The following GABBR1 variants were observed in gnomAD, a reference collection of about 807,000 sequenced individuals.
GABBR1 encodes gamma-aminobutyric acid type B receptor subunit 1, also known as GABA-B receptor, R1 subunit.
Under a neutral mutation model 117.7 loss-of-function variants are expected in GABBR1, and 35 were observed. That is an observed-to-expected ratio of 0.30 (90% CI 0.23 to 0.39). GABBR1 has a LOEUF of 0.39. Ranked by LOEUF, GABBR1 falls within the 10% of genes least tolerant of loss-of-function variation. The pLI is 1.00. For synonymous variants in GABBR1, 442 were observed against 486.6 expected (o/e 0.91, Z 1.21); for missense variants, 709 against 1,241.8 (o/e 0.57, Z 6.45).
Position 29,622,119 on chromosome 6 carries a change from G to A in GABBR1, c.1050C>T (p.Pro350=), listed in dbSNP as rs762967521. Residue 350 remains proline, a synonymous_variant, in exon 9 of 23, where the codon CCC becomes CCT. Coordinates refer to ENST00000377034, the MANE Select transcript of GABBR1 (RefSeq NM_001470.4). The surrounding 1 kb of genome is among the most constrained non-coding windows in gnomAD (Gnocchi z 4.6). ...RQSFFSDPAV[P]VKNLKRQDAR... ...GCCATCTGACCTTCAGGTTTTTGAC[G>A]GGCACAGCTGGATCTGAGAAGAAAC... 6.8e-6 allele frequency: 11 copies of A among 1,613,724 alleles called. No homozygotes were observed. Among genetic ancestry groups the A allele is most frequent in the East Asian group, 2.2e-5 (1 of 44,890 alleles).
At position 29,627,344 on chromosome 6, in the gene GABBR1, A is replaced by C; in HGVS notation, c.657+142T>G. The C allele has an allele frequency of 1.2e-6, 1 of 823,772 alleles. No individual in the cohort carries two copies. 51.0% of individuals were successfully genotyped at this position (823,772 alleles called of 1,614,324 possible). A position where few individuals can be genotyped will look rare whatever the true frequency, so the allele number is the denominator to read the frequency against. ...ACTCTCCCCAAGCTCCTGCACCCCC[A>C]GCCCATCTCCTGCCAGTCACACAAG... On this transcript the variant is annotated intron_variant, in intron 6 of 22. Coordinates refer to ENST00000377034, the MANE Select transcript of GABBR1 (RefSeq NM_001470.4). This position sits in a 1 kb window ranked among gnomAD's most constrained non-coding sequence, Gnocchi z 4.4.
At position 29,612,540 on chromosome 6, in the gene GABBR1, C is replaced by G. The variant is rs1327536274; in HGVS notation, c.1630+11G>C. 3 of 1,613,378 alleles carry G rather than the reference C, an allele frequency of 1.9e-6. No homozygotes were observed. The highest frequency in any genetic ancestry group is 8.5e-7 in the Non-Finnish European group (1 of 1,179,616). ...CCCCCATGTCCGGTCCCCTCCTGCC[C>G]CTGTACTAACCCTGAAGCTGCTCGA... On this transcript the variant is annotated intron_variant, in intron 13 of 22. Coordinates refer to ENST00000377034, the MANE Select transcript of GABBR1 (RefSeq NM_001470.4).
rs1761913218 is a variant in GABBR1, at chr6:29,605,984, GGCCACACAT to G, written c.2312-297_2312-289del. On this transcript the variant is annotated intron_variant, in intron 19 of 22. Transcript: ENST00000377034. The surrounding 1 kb of genome is among the most constrained non-coding windows in gnomAD (Gnocchi z 4.2). Reference sequence around the variant, plus strand: ...GAATATCTAGAAATAGGCCAGTCTGGGCCACACATGCCTCACCCTTACCCTACAGGTGGG... The same window carrying G: ...GAATATCTAGAAATAGGCCAGTCTGGGCCTCACCCTTACCCTACAGGTGGG... The G allele has an allele frequency of 9.1e-6, 5 of 550,804 alleles. No homozygotes were observed. The highest frequency in any genetic ancestry group is 1.6e-5 in the Non-Finnish European group (5 of 308,412). The allele number at this position is 550,804 out of a possible 1,614,324, so 34.1% of individuals were successfully genotyped here. A position where few individuals can be genotyped will look rare whatever the true frequency, so the allele number is the denominator to read the frequency against.
In GABBR1 at chr6:29,632,510, A is replaced by G. The variant is rs1765107980; in HGVS notation, c.1-125T>C. ...CCGGGCTCAGCCTGGGGACCAAGAG[A>G]GCGCCCCGCGGAGGAGGCGGGGGCG... On this transcript the variant is annotated intron_variant, in intron 1 of 22. Transcript: ENST00000377034. The surrounding 1 kb of genome is among the most constrained non-coding windows in gnomAD (Gnocchi z 5.8). 3.1e-6 allele frequency: 3 copies of G among 979,922 alleles called. No individual in the cohort carries two copies. The South Asian group carries it at 6.0e-5, about 19-fold the overall frequency. The allele number at this position is 979,922 out of a possible 1,614,324, so 60.7% of individuals were successfully genotyped here. A position where few individuals can be genotyped will look rare whatever the true frequency, so the allele number is the denominator to read the frequency against.
intron 22 of GABBR1, 99 bp from the exon 23 acceptor site, chr6:29,603,815 G>T: frequency 1.1e-6 from 1 of 917,754 alleles, no homozygotes; most frequent in Non-Finnish European, 1.5e-6. Flanking sequence ...AGAGAGGAAG[G>T]GCACAGAAAA....
In GABBR1 at chr6:29,604,761, A is replaced by G; in HGVS notation, c.2568+99T>C. On this transcript the variant is annotated intron_variant, in intron 21 of 22. Coordinates refer to ENST00000377034, the MANE Select transcript of GABBR1 (RefSeq NM_001470.4). The surrounding 1 kb of genome is among the most constrained non-coding windows in gnomAD (Gnocchi z 5.3). ...GGCCCAAAACAAGGGGAGGAGTGAG[A>G]GGAGGGTGAACGGAAGGGCAGAGGA... The G allele has an allele frequency of 6.3e-7, 1 of 1,585,064 alleles. No individual in the cohort carries two copies.
In GABBR1 at chr6:29,632,463, C is replaced by A; in HGVS notation, c.1-78G>T. 5.0e-6 allele frequency: 6 copies of A among 1,192,588 alleles called. No individual in the cohort carries two copies. Among genetic ancestry groups the A allele is most frequent in the Non-Finnish European group, 6.6e-6 (6 of 907,234 alleles). The allele number at this position is 1,192,588 out of a possible 1,614,324, so 73.9% of individuals were successfully genotyped here. On this transcript the variant is annotated intron_variant, in intron 1 of 22. Coordinates refer to ENST00000377034, the MANE Select transcript of GABBR1 (RefSeq NM_001470.4). The surrounding 1 kb of genome is among the most constrained non-coding windows in gnomAD (Gnocchi z 5.8). ...CACCCGGAGACTACTCGACCTCTTG[C>A]CGGTTGCCTCGCAGGCTCCGACCGG...
Position 29,621,600 on chromosome 6 carries a change from A to T in GABBR1, c.1131+152T>A. ...AGTATCATGTGTGTGCAGACAAGGG[A>T]TGCAGTCAGAGCCAACAGACAGAGA... On this transcript the variant is annotated intron_variant, in intron 10 of 22. Transcript: ENST00000377034. This position sits in a 1 kb window ranked among gnomAD's most constrained non-coding sequence, Gnocchi z 5.0. The T allele has an allele frequency of 1.4e-6, 1 of 705,360 alleles. No homozygotes were observed. Among genetic ancestry groups the T allele is most frequent in the South Asian group, 1.8e-5 (1 of 56,264 alleles). 43.7% of individuals were successfully genotyped at this position (705,360 alleles called of 1,614,324 possible).
chr6:29,617,092 A>AGTTG (rs1301088998), intron 11 of GABBR1, among the ~76,000 whole-genome samples: 1 of 151,616 alleles, frequency 6.6e-6, no homozygotes, highest in East Asian at 1.9e-4. Context: ...AAACCTCACT[A>AGTTG]GTTGGTTATT....
rs976462201 is a variant in GABBR1 at position 29,611,863 on chromosome 6, C to T, written c.1630+688G>A. Among the ~76,000 whole-genome samples the T allele has an allele frequency of 6.6e-6, 1 of 152,114 alleles. No individual in the cohort carries two copies. Among genetic ancestry groups the T allele is most frequent in the South Asian group, 2.1e-4 (1 of 4,826 alleles). On this transcript the variant is annotated intron_variant, in intron 13 of 22. Coordinates refer to ENST00000377034, the MANE Select transcript of GABBR1 (RefSeq NM_001470.4). This position sits in a 1 kb window ranked among gnomAD's most constrained non-coding sequence, Gnocchi z 4.6. The stretch of plus-strand genomic sequence containing the variant: ...GCAGATTCCCTTAAAAAAAAAATAG[C>T]GGTTCTCCTAGATTCAGCTTTCTTG...
chr6:29,629,224 C>A, intron 4 of GABBR1, 117 bp from the exon 5 acceptor site: 1 of 1,205,880 alleles, frequency 8.3e-7, no homozygotes, highest in Non-Finnish European at 1.2e-6. Context: ...AGAGCAGAAG[C>A]CTGCGTTTCT....
intron 11 of GABBR1, among the ~76,000 whole-genome samples, chr6:29,616,983 T>TA (rs28383952): frequency 0.045 from 3,230 of 71,422 alleles, 116 homozygotes; most frequent in African/African-American, 0.081. Flanking sequence ...CCGTCTCTAC[T>TA]AAAAAAAAAA....
Position 29,627,525 on chromosome 6 carries a change from C to A in GABBR1, c.618G>T (p.Leu206=), listed in dbSNP as rs1314617559. 1 of 1,575,040 alleles carries A rather than the reference C, an allele frequency of 6.3e-7. No individual in the cohort carries two copies. The highest frequency in any genetic ancestry group is 8.6e-7 in the Non-Finnish European group (1 of 1,159,798). The change falls in exon 6 of 23, where the codon CTG becomes CTT. Residue 206 remains leucine (L), a synonymous_variant. Coordinates refer to ENST00000377034, the MANE Select transcript of GABBR1 (RefSeq NM_001470.4). The surrounding 1 kb of genome is among the most constrained non-coding windows in gnomAD (Gnocchi z 4.4). ...LEDVNSRRDI[L]PDYELKLIHH... ...GGATGAGCTTGAGCTCATAGTCCGGCAGGATGTCCCTGCGGCTATTCACGT... is the reference window on the plus strand; with the variant it reads ...GGATGAGCTTGAGCTCATAGTCCGGAAGGATGTCCCTGCGGCTATTCACGT...
Position 29,609,776 on chromosome 6 carries a change from C to T in GABBR1, c.1709-397G>A, listed in dbSNP as rs951457789. Among the ~76,000 whole-genome samples, 7 of 150,316 alleles carry T rather than the reference C, an allele frequency of 4.7e-5. No homozygotes were observed. Among genetic ancestry groups the T allele is most frequent in the African/African-American group, 1.7e-4 (7 of 40,776 alleles). On this transcript the variant is annotated intron_variant, in intron 14 of 22. Coordinates refer to ENST00000377034, the MANE Select transcript of GABBR1 (RefSeq NM_001470.4). This position sits in a 1 kb window ranked among gnomAD's most constrained non-coding sequence, Gnocchi z 4.3. Reference sequence around the variant, plus strand: ...TTATAAGGTTTCTTATAACCCAAATCAAAGTTTTAAATGACAATTATGGAA... The same window carrying T: ...TTATAAGGTTTCTTATAACCCAAATTAAAGTTTTAAATGACAATTATGGAA...
chr6:29,606,191 C>T lies in GABBR1; in HGVS notation c.2311+200G>A. The T allele has an allele frequency of 1.7e-6, 1 of 588,078 alleles. No individual in the cohort carries two copies. The highest frequency in any genetic ancestry group is 3.0e-6 in the Non-Finnish European group (1 of 329,752). 36.4% of individuals were successfully genotyped at this position (588,078 alleles called of 1,614,324 possible). Reference sequence around the variant, plus strand: ...ATCTGTGCTTTCTGTGCTTTGGGCCCTAAGCTCCTCATAGCAAAAGAGCAA... The same window carrying T: ...ATCTGTGCTTTCTGTGCTTTGGGCCTTAAGCTCCTCATAGCAAAAGAGCAA... On this transcript the variant is annotated intron_variant, in intron 19 of 22. Transcript: ENST00000377034. The surrounding 1 kb of genome is among the most constrained non-coding windows in gnomAD (Gnocchi z 4.5).
chr6:29,632,368 T>TAGCAGC lies in GABBR1; in HGVS notation c.12_17dup (p.Leu6_Leu7dup). ...GGGGGCGGAGGAAGAGTGGCGCCAGTAGCAGCAGCAGCAACATCTAAGTGA... is the reference window on the plus strand; with the variant it reads ...GGGGGCGGAGGAAGAGTGGCGCCAGTAGCAGCAGCAGCAGCAGCAACATCTAAGTGA... On this transcript the variant is annotated inframe_insertion, in exon 2 of 23. Coordinates refer to ENST00000377034, the MANE Select transcript of GABBR1 (RefSeq NM_001470.4). The surrounding 1 kb of genome is among the most constrained non-coding windows in gnomAD (Gnocchi z 5.8). The TAGCAGC allele has an allele frequency of 7.4e-7, 1 of 1,347,002 alleles. No homozygotes were observed. Among genetic ancestry groups the TAGCAGC allele is most frequent in the Non-Finnish European group, 9.6e-7 (1 of 1,043,972 alleles). The allele number at this position is 1,347,002 out of a possible 1,614,324, so 83.4% of individuals were successfully genotyped here. A position where few individuals can be genotyped will look rare whatever the true frequency, so the allele number is the denominator to read the frequency against.
rs1454213955 is a variant in GABBR1, at chr6:29,632,941, A to C, written c.-92T>G. On this transcript the variant is annotated 5_prime_UTR_variant, in exon 1 of 23. Coordinates refer to ENST00000377034, the MANE Select transcript of GABBR1 (RefSeq NM_001470.4). The surrounding 1 kb of genome is among the most constrained non-coding windows in gnomAD (Gnocchi z 5.8). ...CCCGCTCCCCCCTCCCTTCTCCTCC[A>C]CCTTTCTCCTCCTCCCGTCCCTCCT... is the stretch of plus-strand genomic sequence containing the variant. 2.7e-5 allele frequency: 5 copies of C among 184,354 alleles called. No individual in the cohort carries two copies. The highest frequency in any genetic ancestry group is 3.4e-5 in the Non-Finnish European group (3 of 87,408). The allele number at this position is 184,354 out of a possible 1,614,324, so 11.4% of individuals were successfully genotyped here.
chr6:29,610,752 C>G (rs2076488), intron 14 of GABBR1, among the ~76,000 whole-genome samples, 172 bp downstream of exon 14: 1,776 of 152,248 alleles, frequency 0.012, 28 homozygotes, highest in African/African-American at 0.031. Flanking sequence ...CCAGTCTCCC[C>G]TACCCACGCC....
In GABBR1 at chr6:29,631,625, C is replaced by T. The variant is rs781504702; in HGVS notation, c.86-26G>A. ...CTAAGGGGTGAGTCGGGGAGGCATA[C>T]AGAGAGGAATGGTGGGAAAGAGGAA... On this transcript the variant is annotated intron_variant, in intron 2 of 22. Coordinates refer to ENST00000377034, the MANE Select transcript of GABBR1 (RefSeq NM_001470.4). The surrounding 1 kb of genome is among the most constrained non-coding windows in gnomAD (Gnocchi z 5.9). The T allele has an allele frequency of 3.1e-6, 5 of 1,604,392 alleles. No individual in the cohort carries two copies. The African/African-American group carries it at 6.7e-5, about 22-fold the overall frequency.
Sources: gnomAD v4.1 joint callset for allele counts (sites outside exome capture counted in the v4.1 genomes callset) on GRCh38, gnomAD v4.1.1 for gene constraint, Gnocchi (gnomAD v3.1) non-coding constraint, MANE v1.5 for transcripts, NCBI Gene and HGNC (gene_info 2026-07-23, HGNC 2026-07-21) for gene names.